Variants in SRRM3 observed in about 807,000 individuals in gnomAD.
The protein encoded by SRRM3 is serine/arginine repetitive matrix 3.
In SRRM3, 27 loss-of-function variants were observed where a neutral mutation model predicts 66.2. The ratio of observed to expected loss-of-function variants is 0.41; its 90% CI spans 0.30 to 0.56. The LOEUF (loss-of-function observed/expected upper bound fraction) is 0.56, where lower values mean the gene tolerates loss of function less well. Ranked by LOEUF, SRRM3 falls within the 20% of genes least tolerant of loss-of-function variation. The probability of loss-of-function intolerance (pLI) is 0.32; values close to 1 mark genes in which losing one functional copy is unlikely to be tolerated. For synonymous variants in SRRM3, 391 were observed against 414.9 expected, an observed-to-expected ratio of 0.94 and a Z score of 0.70; for missense variants, 918 against 991.9, an observed-to-expected ratio of 0.93 and a Z score of 1.00.
At position 76,201,957 on chromosome 7, in the gene SRRM3, G is replaced by C. The variant is rs2116912535; in HGVS notation, c.-150G>C. ...GGAGGCAGAGGGTGCGGGGCCGTGG[G>C]GGCCGCGGAGCTGCCCTGCCCAACT... On this transcript the variant is annotated 5_prime_UTR_variant, in exon 1 of 15. Coordinates refer to ENST00000611745, the MANE Select transcript of SRRM3 (RefSeq NM_001110199.3). 1 of 152,514 alleles carries C rather than the reference G, an allele frequency of 6.6e-6. No individual in the cohort carries two copies. The highest frequency in any genetic ancestry group is 2.1e-4 in the South Asian group (1 of 4,840). The allele number at this position is 152,514 out of a possible 1,614,324, so 9.4% of individuals were successfully genotyped here. A position where few individuals can be genotyped will look rare whatever the true frequency, so the allele number is the denominator to read the frequency against.
At chr7:76,226,076 C>T (rs1800859303) in intron 1 of SRRM3, among the ~76,000 whole-genome samples, 1 of 152,328 alleles carries the variant, frequency 6.6e-6, no homozygotes, top group East Asian at 1.9e-4. Context: ...GCATCTTCTC[C>T]CTCTGAGCCC....
intron 3 of SRRM3, among the ~76,000 whole-genome samples, chr7:76,255,140 C>CTTTTTTTTTT (rs1583913378): frequency 3.1e-5 from 3 of 97,142 alleles, no homozygotes; most frequent in African/African-American, 1.1e-4. Context: ...TTCTTTCTTT[C>CTTTTTTTTTT]TTTCTTTCTT....
rs1412999796 is a variant in SRRM3 at position 76,285,251 on chromosome 7, A to G, written c.1734-364A>G. 5 of 235,730 alleles carry G rather than the reference A, an allele frequency of 2.1e-5. No individual in the cohort carries two copies. Among genetic ancestry groups the G allele is most frequent in the Non-Finnish European group, 4.2e-5 (5 of 118,412 alleles). 14.6% of individuals were successfully genotyped at this position (235,730 alleles called of 1,614,324 possible). ...GCAAATGTTTGTATTTTTAGTAGAG[A>G]CAGGGTTTCATTATGTTGGCCAGAC... On this transcript the variant is annotated intron_variant, in intron 14 of 14. Coordinates refer to ENST00000611745, the MANE Select transcript of SRRM3 (RefSeq NM_001110199.3). This position sits in a 1 kb window ranked among gnomAD's most constrained non-coding sequence, Gnocchi z 4.1.
Position 76,207,998 on chromosome 7 carries a change from C to G in SRRM3, c.-40+5931C>G, listed in dbSNP as rs577744864. Among the ~76,000 whole-genome samples the G allele has an allele frequency of 2.8e-3, 422 of 152,328 alleles. 5 individuals carry two copies. Among genetic ancestry groups the G allele is most frequent in the African/African-American group, 9.8e-3 (407 of 41,574 alleles). On this transcript the variant is annotated intron_variant, in intron 1 of 14. Transcript: ENST00000611745. ...TCTCCCTTGCCCCTGCCCTGTCCCT[C>G]TTGGGTGGCACAGCTTTGGGGTCTG...
At chr7:76,223,824 TC>T in intron 1 of SRRM3, among the ~76,000 whole-genome samples, 1 of 11,448 alleles carries the variant, frequency 8.7e-5, no homozygotes, top group Admixed American at 1.1e-3. Context: ...GCTTTTGCCT[TC>T]CCTTCCCTTC....
At chr7:76,275,864 C>T (rs917062771) in intron 11 of SRRM3, among the ~76,000 whole-genome samples, 3 of 151,918 alleles carry the variant, frequency 2.0e-5, no homozygotes, top group Non-Finnish European at 4.4e-5. Flanking sequence ...CACTTGAGGC[C>T]AGGAGTTTGA....
intron 3 of SRRM3, among the ~76,000 whole-genome samples, chr7:76,255,891 G>A (rs1801700435): frequency 6.6e-6 from 1 of 152,154 alleles, no homozygotes; most frequent in African/African-American, 2.4e-5. Flanking sequence ...TTTCTCCCCG[G>A]AAGAGATGTT....
intron 3 of SRRM3, among the ~76,000 whole-genome samples, chr7:76,255,739 C>T (rs1275571764): frequency 2.0e-5 from 3 of 152,240 alleles, no homozygotes; most frequent in African/African-American, 7.2e-5. Flanking sequence ...TGAGCCATCA[C>T]ACCCGGCCTG....
rs544963666 is a variant in SRRM3 at position 76,231,596 on chromosome 7, G to A, written c.-39-3432G>A. Among the ~76,000 whole-genome samples the A allele has an allele frequency of 3.9e-5, 6 of 152,344 alleles. 1 individual carries two copies. Among genetic ancestry groups the A allele is most frequent in the South Asian group, 4.1e-4 (2 of 4,830 alleles). Reference sequence around the variant, plus strand: ...CGCGCTCTCTCCACACCTTCAGCGCGCCTCTTGCATTGCCTGGTGCTGGGG... The same window carrying A: ...CGCGCTCTCTCCACACCTTCAGCGCACCTCTTGCATTGCCTGGTGCTGGGG... On this transcript the variant is annotated intron_variant, in intron 1 of 14. Transcript: ENST00000611745.
intron 2 of SRRM3, among the ~76,000 whole-genome samples, chr7:76,242,891 C>T (rs1554605786): frequency 1.7e-4 from 26 of 152,158 alleles, no homozygotes; most frequent in Non-Finnish European, 1.2e-4. Context: ...TGAAGCTTTG[C>T]CCCCTTGCCT....
chr7:76,285,718 C>T lies in SRRM3; in HGVS notation c.1837C>T (p.Pro613Ser). The T allele has an allele frequency of 6.4e-7, 1 of 1,550,850 alleles. No homozygotes were observed. Among genetic ancestry groups the T allele is most frequent in the South Asian group, 1.2e-5 (1 of 84,034 alleles). The change falls in exon 15 of 15, where the codon CCC becomes TCC. Residue 613 changes from proline (P) to serine (S), a missense_variant. Coordinates refer to ENST00000611745, the MANE Select transcript of SRRM3 (RefSeq NM_001110199.3). This position sits in a 1 kb window ranked among gnomAD's most constrained non-coding sequence, Gnocchi z 4.1. ...STRSHSRSPS[P>S]GHSHGSYSSR... ...CCGGAGCCACAGCCGCAGCCCCAGC[C>T]CCGGCCACAGCCACGGGAGCTACAG...
At chr7:76,252,457 G>A (rs1357029558) in intron 3 of SRRM3, among the ~76,000 whole-genome samples, 1 of 152,182 alleles carries the variant, frequency 6.6e-6, no homozygotes, top group Non-Finnish European at 1.5e-5. Context: ...AAGTAGCTGG[G>A]ATTATAGGCA....
Position 76,285,830 on chromosome 7 carries a change from G to A in SRRM3, c.1949G>A (p.Ser650Asn), listed in dbSNP as rs782665500. 1.9e-6 allele frequency: 3 copies of A among 1,549,710 alleles called. No individual in the cohort carries two copies. Among genetic ancestry groups the A allele is most frequent in the East Asian group, 2.4e-5 (1 of 40,892 alleles). Residue 650 changes from serine to asparagine, a missense_variant, in exon 15 of 15, where the codon AGC (serine) becomes AAC (asparagine). Coordinates refer to ENST00000611745, the MANE Select transcript of SRRM3 (RefSeq NM_001110199.3). This position sits in a 1 kb window ranked among gnomAD's most constrained non-coding sequence, Gnocchi z 4.1. ...PSYHSRSSSE[S>N]GGF ...TACCACAGCCGGAGCAGCTCTGAGA[G>A]CGGGGGCTTCTGAGCCCAGACAGAC...
intron 1 of SRRM3, among the ~76,000 whole-genome samples, chr7:76,202,718 C>T (rs1554600748): frequency 6.6e-6 from 1 of 152,136 alleles, no homozygotes; most frequent in African/African-American, 2.4e-5. Flanking sequence ...GAGTTTCTAG[C>T]CCAGAGTTAG....
Sources: gnomAD v4.1 joint callset for allele counts (sites outside exome capture counted in the v4.1 genomes callset) on GRCh38, gnomAD v4.1.1 for gene constraint, Gnocchi (gnomAD v3.1) non-coding constraint, MANE v1.5 for transcripts, NCBI Gene and HGNC (gene_info 2026-07-23, HGNC 2026-07-21) for gene names.